The following MAPK10 variants were observed in gnomAD, a reference collection of about 807,000 sequenced individuals.
MAPK10 encodes the protein JNK3 alpha protein kinase.
Under a neutral mutation model 59.3 loss-of-function variants are expected in MAPK10, and 25 were observed. The observed-to-expected ratio is 0.42, with a 90% confidence interval of 0.31 to 0.59. The LOEUF (loss-of-function observed/expected upper bound fraction) is 0.59. MAPK10 is among the 20% of genes least tolerant of loss of function. The pLI, the probability that MAPK10 is intolerant of heterozygous loss-of-function variation, is 0.15. For synonymous variants in MAPK10, 190 were observed against 200.5 expected (o/e 0.95, Z 0.44); for missense variants, 351 against 568.9 (o/e 0.62, Z 3.90).
chr4:86,388,936 CAAAAT>C (rs1233449875), intron 1 of MAPK10, among the ~76,000 whole-genome samples: 1 of 152,026 alleles, frequency 6.6e-6, no homozygotes, highest in Non-Finnish European at 1.5e-5. Context: ...ATGAATAAAA[CAAAAT>C]AATATATGTA....
chr4:86,105,281 G>A (rs2056333517), intron 5 of MAPK10, among the ~76,000 whole-genome samples: 1 of 152,104 alleles, frequency 6.6e-6, no homozygotes, highest in South Asian at 2.1e-4. Flanking sequence ...ACATTTGGTT[G>A]TAAGTGAATT....
chr4:86,226,536 C>T (rs1045146219), intron 2 of MAPK10, among the ~76,000 whole-genome samples: 5 of 152,172 alleles, frequency 3.3e-5, no homozygotes, highest in African/African-American at 7.2e-5. Flanking sequence ...TAAGTTAGTA[C>T]AGTAACCAGC....
At chr4:86,159,258 T>C in intron 4 of MAPK10, 40 bp downstream of exon 4, 1 of 1,533,394 alleles carries the variant, frequency 6.5e-7, no homozygotes, top group Non-Finnish European at 8.8e-7. Context: ...TTGCACACGG[T>C]GTGTTCCCTT....
At chr4:86,374,857 C>T (rs541218244) in intron 1 of MAPK10, among the ~76,000 whole-genome samples, 8 of 152,264 alleles carry the variant, frequency 5.3e-5, no homozygotes, top group South Asian at 4.1e-4. Flanking sequence ...CACTGATGTA[C>T]GCTCTGATTG....
intron 4 of MAPK10, among the ~76,000 whole-genome samples, chr4:86,139,298 G>A (rs1240919550): frequency 2.0e-5 from 3 of 150,130 alleles, no homozygotes; most frequent in Non-Finnish European, 4.4e-5. Flanking sequence ...CAAGGCTACA[G>A]TAACCAAAAC....
intron 4 of MAPK10, among the ~76,000 whole-genome samples, chr4:86,113,562 T>G (rs932083078): frequency 6.6e-6 from 1 of 152,222 alleles, no homozygotes; most frequent in Non-Finnish European, 1.5e-5. Flanking sequence ...TTCAGACTTG[T>G]AGGGTTTCTG....
intron 9 of MAPK10, among the ~76,000 whole-genome samples, chr4:86,097,045 TA>T (rs772957173): frequency 2.0e-5 from 3 of 151,824 alleles, no homozygotes; most frequent in Non-Finnish European, 4.4e-5. Flanking sequence ...TTCAAAAGAA[TA>T]AAAAAAGATA....
At chr4:86,202,255 A>G (rs2082795708) in intron 2 of MAPK10, among the ~76,000 whole-genome samples, 1 of 151,922 alleles carries the variant, frequency 6.6e-6, no homozygotes, top group Admixed American at 6.6e-5. Context: ...GTCTTGCAGC[A>G]TACATTAAAC....
At chr4:86,155,344 C>T (rs896473651) in intron 4 of MAPK10, among the ~76,000 whole-genome samples, 4 of 151,508 alleles carry the variant, frequency 2.6e-5, no homozygotes, top group African/African-American at 9.7e-5. Context: ...TTGTCCAAAA[C>T]AAAAAGATAT....
rs185134305 is a variant in MAPK10, at chr4:86,200,763, G to A, written c.-6-6356C>T. On this transcript the variant is annotated intron_variant, in intron 2 of 13. Coordinates refer to ENST00000641462, the MANE Select transcript of MAPK10 (RefSeq NM_138982.4). ...CTATACATATTTATGGGGTACATGT[G>A]AAATTTTAATACAAGCATACAATGT... Among the ~76,000 whole-genome samples, 28 of 151,960 alleles carry A rather than the reference G, an allele frequency of 1.8e-4. No individual in the cohort carries two copies. The East Asian group carries it at 5.2e-3, about 28-fold the overall frequency.
intron 2 of MAPK10, among the ~76,000 whole-genome samples, chr4:86,204,786 C>T (rs2083437729): frequency 6.6e-6 from 1 of 151,972 alleles, no homozygotes; most frequent in African/African-American, 2.4e-5. Context: ...TTTTACTAAA[C>T]AGTAGACACT....
chr4:86,464,854 C>T (rs1371267264), intron 1 of MAPK10, among the ~76,000 whole-genome samples: 2 of 152,066 alleles, frequency 1.3e-5, no homozygotes, highest in African/African-American at 4.8e-5. Flanking sequence ...TTTTACATCA[C>T]TCACATTAGG....
At chr4:86,427,161 G>A (rs1346800866) in intron 1 of MAPK10, among the ~76,000 whole-genome samples, 1 of 151,116 alleles carries the variant, frequency 6.6e-6, no homozygotes, top group Non-Finnish European at 1.5e-5. Context: ...GGAGGCTGAG[G>A]CAGGAGAATG....
At chr4:86,134,414 C>A (rs114561371) in intron 4 of MAPK10, among the ~76,000 whole-genome samples, 2 of 152,142 alleles carry the variant, frequency 1.3e-5, no homozygotes, top group Non-Finnish European at 2.9e-5. Context: ...CTAACTCAAA[C>A]TCCATTAATA....
intron 1 of MAPK10, among the ~76,000 whole-genome samples, chr4:86,425,187 AC>A (rs1747112081): frequency 6.6e-6 from 1 of 152,200 alleles, no homozygotes; most frequent in Non-Finnish European, 1.5e-5. Flanking sequence ...GACTTACAAA[AC>A]CTGTTTTTCT....
In MAPK10 at chr4:86,083,223, A is replaced by G. The variant is rs150610413; in HGVS notation, c.803-15268T>C. 7.2e-5 allele frequency among the ~76,000 whole-genome samples: 11 copies of G among 152,112 alleles called. No individual in the cohort carries two copies. The East Asian group carries it at 2.1e-3, about 29-fold the overall frequency. On this transcript the variant is annotated intron_variant, in intron 9 of 13. Coordinates refer to ENST00000641462, the MANE Select transcript of MAPK10 (RefSeq NM_138982.4). ...CAATTTAACAACTACCTACACCAAA[A>G]AGCACCTTCATAAGGACCAAAAATC...
intron 1 of MAPK10, among the ~76,000 whole-genome samples, chr4:86,537,482 A>G (rs1758337538): frequency 6.6e-6 from 1 of 152,200 alleles, no homozygotes; most frequent in South Asian, 2.1e-4. Context: ...TCTTCCCCAA[A>G]GGAACCAGGG....
intron 11 of MAPK10, among the ~76,000 whole-genome samples, chr4:86,051,887 G>A (rs974219364): frequency 6.6e-6 from 1 of 151,928 alleles, no homozygotes; most frequent in Non-Finnish European, 1.5e-5. Flanking sequence ...ACATGGCAGA[G>A]GAAAATAAAT....
In MAPK10 at chr4:86,035,417, G is replaced by A. The variant is rs537371561; in HGVS notation, c.1111-3986C>T. Among the ~76,000 whole-genome samples the A allele has an allele frequency of 9.5e-5, 14 of 147,266 alleles. No homozygotes were observed. The South Asian group carries it at 1.3e-3, about 14-fold the overall frequency. On this transcript the variant is annotated intron_variant, in intron 11 of 13. Transcript: ENST00000641462. ...AAAATGATCCAGGGTATCATGATAC[G>A]GAAGAAAGAAGAAGAGAAACCACTG...
Sources: allele counts gnomAD v4.1 joint callset (sites outside exome capture counted in the v4.1 genomes callset), GRCh38; gene constraint gnomAD v4.1.1; transcripts MANE v1.5; gene names NCBI Gene and HGNC (gene_info 2026-07-23, HGNC 2026-07-21).